The following HGSNAT variants were observed in gnomAD, a reference collection of about 807,000 sequenced individuals.
The protein encoded by HGSNAT is transmembrane protein 76.
A neutral mutation model predicts 85.2 loss-of-function variants in HGSNAT; 59 were observed. The ratio of observed to expected loss-of-function variants is 0.69; its 90% CI spans 0.56 to 0.86. HGSNAT has a LOEUF of 0.86. Among genes scored for constraint, HGSNAT ranks in the 40% least tolerant of loss-of-function variants. The pLI, the probability that HGSNAT is intolerant of heterozygous loss-of-function variation, is 0.00. For missense variants in HGSNAT, 756 were observed against 777.1 expected, an observed-to-expected ratio of 0.97 and a Z score of 0.32; for synonymous variants, 321 against 304.5, an observed-to-expected ratio of 1.05 and a Z score of -0.56.
chr8:43,143,558 GAC>G, intron 1 of HGSNAT, among the ~76,000 whole-genome samples: 1 of 148,632 alleles, frequency 6.7e-6, no homozygotes, highest in South Asian at 2.1e-4. Flanking sequence ...TTTTTTTTGA[GAC>G]AGAGTCTCGC....
chr8:43,167,208 GT>G (rs1444399794), intron 5 of HGSNAT, among the ~76,000 whole-genome samples: 1 of 152,206 alleles, frequency 6.6e-6, no homozygotes, highest in African/African-American at 2.4e-5. Flanking sequence ...TCACATAAAT[GT>G]AGTTGGTAGA....
intron 14 of HGSNAT, chr8:43,196,308 C>CA (rs1324129111): frequency 5.1e-6 from 2 of 389,768 alleles, no homozygotes; most frequent in Non-Finnish European, 9.7e-6. Flanking sequence ...TTGATGTTTT[C>CA]AAAAATGAAT....
chr8:43,175,904 T>G (rs1012837319), intron 9 of HGSNAT, among the ~76,000 whole-genome samples: 4 of 152,206 alleles, frequency 2.6e-5, no homozygotes, highest in African/African-American at 9.6e-5. Context: ...AGATTTTTTT[T>G]CCTATAGAGT....
At chr8:43,177,721 A>G (rs1268678156) in intron 9 of HGSNAT, among the ~76,000 whole-genome samples, 1 of 152,186 alleles carries the variant, frequency 6.6e-6, no homozygotes, top group African/African-American at 2.4e-5. Context: ...TCTGTGTTTC[A>G]AGGGCTTTGA....
In HGSNAT at chr8:43,199,670, G is replaced by C. The variant is rs891063126; in HGVS notation, c.*101G>C. 34 of 912,156 alleles carry C rather than the reference G, an allele frequency of 3.7e-5. No homozygotes were observed. In the Admixed American group the frequency reaches 7.3e-4, roughly 20 times the overall value. 56.5% of individuals were successfully genotyped at this position (912,156 alleles called of 1,614,324 possible). A position where few individuals can be genotyped will look rare whatever the true frequency, so the allele number is the denominator to read the frequency against. ...GAAGCATTCATTAGGAAATTGACTG[G>C]CTGCGTGTTTACAGACTCTGGGGGA... On this transcript the variant is annotated 3_prime_UTR_variant, in exon 18 of 18. Transcript: ENST00000379644.
At chr8:43,181,405 CAG>C (rs1401314241) in intron 10 of HGSNAT, among the ~76,000 whole-genome samples, 5 of 151,936 alleles carry the variant, frequency 3.3e-5, no homozygotes, top group Non-Finnish European at 7.4e-5. Flanking sequence ...GAATGAGTAT[CAG>C]AGTCGGGAGG....
chr8:43,140,835 G>T lies in HGSNAT; in HGVS notation c.118+221G>T, dbSNP rs183247583. On this transcript the variant is annotated intron_variant, in intron 1 of 17. Coordinates refer to ENST00000379644, the MANE Select transcript of HGSNAT (RefSeq NM_152419.3). ...CCCCGCGGAGGCGGGGGAGGGGGCGGTTCGGACCGCGGCGGAGTGGAACCT... is the reference window on the plus strand; with the variant it reads ...CCCCGCGGAGGCGGGGGAGGGGGCGTTTCGGACCGCGGCGGAGTGGAACCT... Among the ~76,000 whole-genome samples, 744 of 152,162 alleles carry T rather than the reference G, an allele frequency of 4.9e-3. 4 individuals are homozygous for T. The highest frequency in any genetic ancestry group is 0.017 in the African/African-American group (715 of 41,538).
At chr8:43,182,318 T>A (rs1197046961) in intron 11 of HGSNAT, 58 bp downstream of exon 11, 4 of 1,308,444 alleles carry the variant, frequency 3.1e-6, no homozygotes, top group Non-Finnish European at 4.4e-6. Flanking sequence ...AAATGTATTG[T>A]GTGGTGATAC....
chr8:43,171,392 C>T (rs1298548621), intron 7 of HGSNAT, among the ~76,000 whole-genome samples: 6 of 152,182 alleles, frequency 3.9e-5, no homozygotes, highest in African/African-American at 4.8e-5. Flanking sequence ...CTGGAGTTCT[C>T]ATAATGTGCC....
At chr8:43,185,072 A>G (rs1176804426) in intron 11 of HGSNAT, among the ~76,000 whole-genome samples, 3 of 152,192 alleles carry the variant, frequency 2.0e-5, no homozygotes, top group Non-Finnish European at 4.4e-5. Context: ...AGGTGGCATG[A>G]TACCTCCAGC....
chr8:43,169,659 G>A (rs1803549945), intron 6 of HGSNAT, among the ~76,000 whole-genome samples: 1 of 152,158 alleles, frequency 6.6e-6, no homozygotes, highest in Non-Finnish European at 1.5e-5. Context: ...TGGGGATGTT[G>A]GCTTCTGTGC....
In HGSNAT at chr8:43,146,873, C is replaced by T. The variant is rs559724046; in HGVS notation, c.119-75C>T. 1.9e-4 allele frequency: 151 copies of T among 808,822 alleles called. 2 individuals carry two copies. The Admixed American group carries it at 3.6e-3, about 20-fold the overall frequency. The allele number at this position is 808,822 out of a possible 1,614,324, so 50.1% of individuals were successfully genotyped here. A position where few individuals can be genotyped will look rare whatever the true frequency, so the allele number is the denominator to read the frequency against. On this transcript the variant is annotated intron_variant, in intron 1 of 17. Transcript: ENST00000379644. ...GCACTACTGGAAGCAACTGTTCACA[C>T]GAATGTACTTTGTCTCTAACACATC...
At chr8:43,178,594 C>CTTTTTTTTTTTTTTTTTTTTTTAATTTTT (rs58996359) in intron 10 of HGSNAT, among the ~76,000 whole-genome samples, 1 of 96,924 alleles carries the variant, frequency 1.0e-5, no homozygotes, top group African/African-American at 3.6e-5. Context: ...CATCAGCTTT[C>CTTTTTTTTTTTTTTTTTTTTTTAATTTTT]TTTTTTTTTT....
At chr8:43,194,403 A>G in intron 14 of HGSNAT, 1 of 985,494 alleles carries the variant, frequency 1.0e-6, no homozygotes, top group African/African-American at 1.7e-5. Flanking sequence ...GTCTCAAAAA[A>G]GAAAAAAAGG....
intron 1 of HGSNAT, among the ~76,000 whole-genome samples, chr8:43,145,331 A>T (rs751372605): frequency 1.2e-4 from 18 of 152,172 alleles, no homozygotes; most frequent in Middle Eastern, 3.2e-3. Flanking sequence ...AACCTAAAGC[A>T]TCCCCATGGC....
intron 11 of HGSNAT, among the ~76,000 whole-genome samples, chr8:43,183,995 A>G (rs1263471713): frequency 2.0e-5 from 3 of 152,190 alleles, no homozygotes; most frequent in Non-Finnish European, 4.4e-5. Flanking sequence ...ATAGTATTCC[A>G]TGGTGTATAT....
chr8:43,147,039 C>G lies in HGSNAT; in HGVS notation c.210C>G (p.Tyr70Ter). 1.2e-6 allele frequency: 2 copies of G among 1,601,802 alleles called. No individual in the cohort carries two copies. Among genetic ancestry groups the G allele is most frequent in the Admixed American group, 1.7e-5 (1 of 57,440 alleles). ...TTCTCTGGACCAACTTGACCGTCTACTGGAAATCTGAATGCTGTTATCACG... is the reference window on the plus strand; with the variant it reads ...TTCTCTGGACCAACTTGACCGTCTAGTGGAAATCTGAATGCTGTTATCACG... ...NELLWTNLTV[Y>*]WKSECCYHCL... The change falls in exon 2 of 18, where the codon TAC becomes TAG. Residue 70 changes from tyrosine to a stop codon, truncating the protein, a stop_gained. Transcript: ENST00000379644. LOFTEE classifies it high-confidence loss of function.
chr8:43,197,935 C>A lies in HGSNAT; in HGVS notation c.1709C>A (p.Thr570Asn), dbSNP rs1382233236. The A allele has an allele frequency of 6.2e-7, 1 of 1,612,968 alleles. No homozygotes were observed. Among genetic ancestry groups the A allele is most frequent in the East Asian group, 2.2e-5 (1 of 44,872 alleles). ...VVDVKGLWTG[T>N]PFFYPGMNSI... Reference sequence around the variant, plus strand: ...GATGTGAAGGGGCTGTGGACAGGAACCCCATTCTTTTATCCAGGTAAGTCA... The same window carrying A: ...GATGTGAAGGGGCTGTGGACAGGAAACCCATTCTTTTATCCAGGTAAGTCA... Residue 570 changes from threonine (T) to asparagine (N), a missense_variant, in exon 17 of 18, where the codon ACC (threonine) becomes AAC (asparagine). Coordinates refer to ENST00000379644, the MANE Select transcript of HGSNAT (RefSeq NM_152419.3).
chr8:43,161,586 A>C, intron 5 of HGSNAT, 79 bp downstream of exon 5: 4 of 1,041,512 alleles, frequency 3.8e-6, no homozygotes, highest in Non-Finnish European at 5.6e-6. Flanking sequence ...TGTCACCCTC[A>C]AGTGGCCATA....
Sources: allele counts gnomAD v4.1 joint callset (sites outside exome capture counted in the v4.1 genomes callset), GRCh38; gene constraint gnomAD v4.1.1; transcripts MANE v1.5; gene names NCBI Gene and HGNC (gene_info 2026-07-23, HGNC 2026-07-21).